CTNNA2: variants seen among roughly 807,000 people sequenced by gnomAD.
CTNNA2 encodes catenin alpha 2.
In CTNNA2, 42 loss-of-function variants were observed where a neutral mutation model predicts 101.0. The observed-to-expected ratio is 0.42, with a 90% CI of 0.32 to 0.54. The LOEUF (loss-of-function observed/expected upper bound fraction) is 0.54. Among genes scored for constraint, CTNNA2 ranks in the 20% least tolerant of loss-of-function variants. The pLI is 0.14. For synonymous variants in CTNNA2, 450 were observed against 456.4 expected (o/e 0.99, Z 0.18); for missense variants, 871 against 1,223.1 (o/e 0.71, Z 4.29).
At chr2:80,032,374 T>C (rs1695347517) in intron 7 of CTNNA2, among the ~76,000 whole-genome samples, 1 of 152,206 alleles carries the variant, frequency 6.6e-6, no homozygotes, top group South Asian at 2.1e-4. Flanking sequence ...ATAATACTGT[T>C]GATGAGGTGG....
At chr2:79,516,551 T>G (rs1298063095) in intron 1 of CTNNA2, among the ~76,000 whole-genome samples, 1 of 152,148 alleles carries the variant, frequency 6.6e-6, no homozygotes, top group Non-Finnish European at 1.5e-5. Flanking sequence ...GGTGAATGTA[T>G]TGAAAGGTAG....
At chr2:80,551,231 A>C (rs1335164311) in intron 11 of CTNNA2, among the ~76,000 whole-genome samples, 1 of 152,218 alleles carries the variant, frequency 6.6e-6, no homozygotes, top group African/African-American at 2.4e-5. Context: ...TGCTATAAAC[A>C]GATGTGCTGT....
At chr2:80,033,163 A>AAC (rs1205987110) in intron 7 of CTNNA2, among the ~76,000 whole-genome samples, 2 of 151,458 alleles carry the variant, frequency 1.3e-5, no homozygotes, top group African/African-American at 2.4e-5. Flanking sequence ...AAAAAAAAAA[A>AAC]AAACAAACAC....
At chr2:80,365,893 C>G (rs926130880) in intron 7 of CTNNA2, among the ~76,000 whole-genome samples, 1 of 152,066 alleles carries the variant, frequency 6.6e-6, no homozygotes, top group Non-Finnish European at 1.5e-5. Context: ...GCATTTTTCC[C>G]CCTGTGGTCG....
At chr2:80,336,780 G>A (rs1487811545) in intron 7 of CTNNA2, among the ~76,000 whole-genome samples, 1 of 152,142 alleles carries the variant, frequency 6.6e-6, no homozygotes, top group African/African-American at 2.4e-5. Flanking sequence ...AGTTTTAAAA[G>A]CAGGTTCCGT....
chr2:80,027,273 G>A (rs1553433107), intron 7 of CTNNA2, among the ~76,000 whole-genome samples: 3 of 152,150 alleles, frequency 2.0e-5, no homozygotes, highest in Non-Finnish European at 4.4e-5. Flanking sequence ...CCAGCACAAA[G>A]GCCCGAGCTT....
chr2:80,171,533 C>T (rs1338346237), intron 7 of CTNNA2, among the ~76,000 whole-genome samples: 1 of 152,150 alleles, frequency 6.6e-6, no homozygotes, highest in Non-Finnish European at 1.5e-5. Context: ...CCAAAGGTAA[C>T]AGCAATCTAG....
chr2:79,664,988 G>C (rs1459825517), intron 2 of CTNNA2, among the ~76,000 whole-genome samples: 1 of 152,070 alleles, frequency 6.6e-6, no homozygotes, highest in Non-Finnish European at 1.5e-5. Flanking sequence ...TAGGATTACA[G>C]GCGTGAGCCA....
At chr2:79,936,165 T>C (rs1043604481) in intron 7 of CTNNA2, among the ~76,000 whole-genome samples, 56 of 152,254 alleles carry the variant, frequency 3.7e-4, no homozygotes, top group African/African-American at 1.3e-3. Flanking sequence ...CGTTTGATTC[T>C]ATTTTTTTTT....
intron 7 of CTNNA2, among the ~76,000 whole-genome samples, chr2:79,977,141 T>G (rs1690907363): frequency 6.6e-6 from 1 of 152,080 alleles, no homozygotes; most frequent in Non-Finnish European, 1.5e-5. Flanking sequence ...GGGGGTAATT[T>G]ATCCCTAATT....
Position 80,243,829 on chromosome 2 carries a change from GTA to G in CTNNA2, c.1057-149380_1057-149379del, listed in dbSNP as rs1243694679. Among the ~76,000 whole-genome samples, 12 of 152,306 alleles carry G rather than the reference GTA, an allele frequency of 7.9e-5. 1 individual carries two copies. Among genetic ancestry groups the G allele is most frequent in the Non-Finnish European group, 1.0e-4 (7 of 68,022 alleles). On this transcript the variant is annotated intron_variant, in intron 7 of 18. Transcript: ENST00000402739. Reference sequence around the variant, plus strand: ...ACCTAGAATAGGTTTATATGAAAGAGTATGTTTGACTTTTTAAGGAACAACCA... The same window carrying G: ...ACCTAGAATAGGTTTATATGAAAGAGTGTTTGACTTTTTAAGGAACAACCA...
intron 18 of CTNNA2, among the ~76,000 whole-genome samples, chr2:80,628,028 A>G (rs560139509): frequency 6.6e-6 from 1 of 152,286 alleles, no homozygotes; most frequent in African/African-American, 2.4e-5. Context: ...TACAAAGAGA[A>G]TAAAATACCT....
intron 1 of CTNNA2, among the ~76,000 whole-genome samples, chr2:79,518,949 C>T (rs1014446123): frequency 6.6e-6 from 1 of 151,844 alleles, no homozygotes; most frequent in Non-Finnish European, 1.5e-5. Context: ...CTGGGGAAGC[C>T]CAGGCGCAGT....
chr2:80,072,130 A>G (rs1698389456), intron 7 of CTNNA2, among the ~76,000 whole-genome samples: 1 of 151,898 alleles, frequency 6.6e-6, no homozygotes, highest in African/African-American at 2.4e-5. Flanking sequence ...AATAGTGTCA[A>G]CTCTTAGCCT....
chr2:80,574,513 A>G (rs1406562870), intron 13 of CTNNA2, among the ~76,000 whole-genome samples, 199 bp downstream of exon 13: 1 of 152,194 alleles, frequency 6.6e-6, no homozygotes, highest in Non-Finnish European at 1.5e-5. Context: ...AGCACTGAAT[A>G]TTCTGAAGGG....
chr2:80,625,984 C>T (rs1462544922), intron 18 of CTNNA2, among the ~76,000 whole-genome samples: 1 of 151,738 alleles, frequency 6.6e-6, no homozygotes, highest in East Asian at 1.9e-4. Flanking sequence ...AATTTTTTCC[C>T]AAAAAGCTGA....
At chr2:79,379,232 T>C (rs1289719619) in intron 4 of CTNNA2, among the ~76,000 whole-genome samples, 1 of 152,244 alleles carries the variant, frequency 6.6e-6, no homozygotes, top group Non-Finnish European at 1.5e-5. Flanking sequence ...TAGGTTGGCC[T>C]GTCTGGTTTT....
intron 6 of CTNNA2, among the ~76,000 whole-genome samples, chr2:79,907,635 C>T (rs986238577): frequency 2.0e-5 from 3 of 152,154 alleles, no homozygotes; most frequent in African/African-American, 4.8e-5. Context: ...GCACAAAGGA[C>T]AAAACCCAAA....
At chr2:79,535,819 T>C (rs1673020796) in intron 1 of CTNNA2, among the ~76,000 whole-genome samples, 1 of 152,158 alleles carries the variant, frequency 6.6e-6, no homozygotes, top group African/African-American at 2.4e-5. Context: ...AAGATTTTTG[T>C]ATCTTCAAGG....
Sources: allele counts gnomAD v4.1 joint callset (sites outside exome capture counted in the v4.1 genomes callset), GRCh38; gene constraint gnomAD v4.1.1; transcripts MANE v1.5; gene names NCBI Gene and HGNC (gene_info 2026-07-23, HGNC 2026-07-21).